Variants in TCF3 observed in about 807,000 individuals in gnomAD.
TCF3 encodes transcription factor E2-alpha.
A neutral mutation model predicts 72.3 loss-of-function variants in TCF3; 54 were observed. That is an observed-to-expected ratio of 0.75 (90% CI 0.60 to 0.94). The LOEUF (loss-of-function observed/expected upper bound fraction) is 0.94, where lower values mean the gene tolerates loss of function less well. Ranked by LOEUF, TCF3 falls within the 40% of genes least tolerant of loss-of-function variation. The pLI is 0.00. For synonymous variants in TCF3, 525 were observed against 412.6 expected (o/e 1.27, Z -3.30); for missense variants, 1,078 against 934.4 (o/e 1.15, Z -2.00).
In TCF3 at chr19:1,610,418, T is replaced by G; in HGVS notation, c.*1289A>C. 4.4e-6 allele frequency: 1 copy of G among 225,388 alleles called. No individual in the cohort carries two copies. The highest frequency in any genetic ancestry group is 8.8e-6 in the Non-Finnish European group (1 of 113,294). 14.0% of individuals were successfully genotyped at this position (225,388 alleles called of 1,614,324 possible). On this transcript the variant is annotated 3_prime_UTR_variant, in exon 19 of 19. Coordinates refer to ENST00000262965, the MANE Select transcript of TCF3 (RefSeq NM_003200.5). ...ATGGCCCTCTGGTGTAATGGGGACA[T>G]GGTGGGGTGGGGTGGGGGGTGTCCT...
intron 3 of TCF3, among the ~76,000 whole-genome samples, chr19:1,642,270 G>A (rs1246769584): frequency 8.7e-5 from 13 of 149,224 alleles, no homozygotes; most frequent in East Asian, 4.0e-4. Flanking sequence ...ACACACGCAC[G>A]CACACGCACA....
intron 13 of TCF3, 69 bp from the exon 14 acceptor site, chr19:1,619,922 G>A (rs2061985974): frequency 4.4e-6 from 6 of 1,354,832 alleles, no homozygotes; most frequent in South Asian, 3.9e-5. Flanking sequence ...TGCCCATGGG[G>A]AGGGATTCAT....
chr19:1,611,031 G>T lies in TCF3; in HGVS notation c.*676C>A, dbSNP rs1186503384. On this transcript the variant is annotated 3_prime_UTR_variant, in exon 19 of 19. Transcript: ENST00000262965. ...TGCAATGCTCAGTCTAGGAACAGCA[G>T]CAGAAATAGCGAGAGACACGGGACT... is the stretch of plus-strand genomic sequence containing the variant. 4 of 226,680 alleles carry T rather than the reference G, an allele frequency of 1.8e-5. No individual in the cohort carries two copies. In the East Asian group the frequency reaches 2.5e-4, roughly 14 times the overall value. 14.0% of individuals were successfully genotyped at this position (226,680 alleles called of 1,614,324 possible).
chr19:1,623,056 T>C (rs150700174), intron 8 of TCF3, among the ~76,000 whole-genome samples: 6 of 152,124 alleles, frequency 3.9e-5, no homozygotes, highest in East Asian at 3.9e-4. Flanking sequence ...AGTGATACTG[T>C]TGGGAGCAGA....
At chr19:1,640,709 CAGG>C (rs1282976059) in intron 3 of TCF3, among the ~76,000 whole-genome samples, 1 of 151,682 alleles carries the variant, frequency 6.6e-6, no homozygotes, top group Admixed American at 6.6e-5. Context: ...GGAGGCTAGG[CAGG>C]AGAATGGCGT....
At chr19:1,636,133 T>C (rs1199649836) in intron 3 of TCF3, among the ~76,000 whole-genome samples, 5 of 152,188 alleles carry the variant, frequency 3.3e-5, no homozygotes, top group Non-Finnish European at 7.3e-5. Context: ...GGGGGTGGCC[T>C]TTCCTTGGGT....
intron 3 of TCF3, among the ~76,000 whole-genome samples, chr19:1,643,268 T>C (rs1177435923): frequency 5.3e-5 from 8 of 152,236 alleles, no homozygotes; most frequent in African/African-American, 1.9e-4. Flanking sequence ...TCACCCAGGC[T>C]GCAGGGCAGT....
intron 3 of TCF3, among the ~76,000 whole-genome samples, chr19:1,637,510 C>A (rs539540438): frequency 6.6e-6 from 1 of 152,324 alleles, no homozygotes; most frequent in East Asian, 1.9e-4. Flanking sequence ...TCAGTGACCA[C>A]AGAGATAACC....
In TCF3 at chr19:1,624,021, G is replaced by A. The variant is rs1212982964; in HGVS notation, c.500-21C>T. Reference sequence around the variant, plus strand: ...CGTGTCTGTTAGAAGCAAAAGGGGTGAGAACCGGCCACCGGCCATGAGAAC... The same window carrying A: ...CGTGTCTGTTAGAAGCAAAAGGGGTAAGAACCGGCCACCGGCCATGAGAAC... On this transcript the variant is annotated intron_variant, in intron 7 of 18. Coordinates refer to ENST00000262965, the MANE Select transcript of TCF3 (RefSeq NM_003200.5). 6.2e-6 allele frequency: 10 copies of A among 1,612,720 alleles called. No individual in the cohort carries two copies. The Admixed American group carries it at 1.3e-4, about 22-fold the overall frequency.
intron 3 of TCF3, among the ~76,000 whole-genome samples, chr19:1,634,981 A>G (rs1278544176): frequency 6.6e-6 from 1 of 152,192 alleles, no homozygotes; most frequent in African/African-American, 2.4e-5. Context: ...TGATACAGAA[A>G]AAGACTGTCC....
chr19:1,651,383 C>T (rs1322683990), intron 1 of TCF3: 2 of 226,920 alleles, frequency 8.8e-6, no homozygotes, highest in East Asian at 6.3e-5. Flanking sequence ...GGGTGTGAAG[C>T]GGGCGCCCCA....
intron 1 of TCF3, chr19:1,650,852 A>C (rs987282868): frequency 3.0e-5 from 7 of 231,206 alleles, no homozygotes; most frequent in African/African-American, 1.5e-4. Context: ...ACAAGCTTCA[A>C]GACTTAAAGT....
chr19:1,614,690 G>T lies in TCF3; in HGVS notation c.1822+595C>A, dbSNP rs990075326. ...TAAGGAAGCAGCCGCCAGCGCCAGC[G>T]GGGGGAAGGAGTCAGCTCACATCTG... On this transcript the variant is annotated intron_variant, in intron 18 of 18. Coordinates refer to ENST00000262965, the MANE Select transcript of TCF3 (RefSeq NM_003200.5). This position sits in a 1 kb window ranked among gnomAD's most constrained non-coding sequence, Gnocchi z 5.6. Among the ~76,000 whole-genome samples the T allele has an allele frequency of 2.0e-5, 3 of 152,124 alleles. No individual in the cohort carries two copies. The highest frequency in any genetic ancestry group is 3.9e-4 in the East Asian group (2 of 5,186).
chr19:1,619,985 G>A, intron 13 of TCF3, 132 bp from the exon 14 acceptor site: 1 of 794,382 alleles, frequency 1.3e-6, no homozygotes, highest in Non-Finnish European at 2.1e-6. Context: ...CCATTCCGGG[G>A]CACCCCACAC....
At chr19:1,626,658 T>G (rs1299189641) in intron 6 of TCF3, among the ~76,000 whole-genome samples, 1 of 152,174 alleles carries the variant, frequency 6.6e-6, no homozygotes, top group East Asian at 1.9e-4. Flanking sequence ...CCCGGGCACT[T>G]GCGTATTCCT....
rs1382921991 is a variant in TCF3 at position 1,610,506 on chromosome 19, G to A, written c.*1201C>T. ...CAGAGCATGAGCCTGGGTCCCTGGG[G>A]CAAAGGAGTGAAGGACAGGGTGTCC... On this transcript the variant is annotated 3_prime_UTR_variant, in exon 19 of 19. Coordinates refer to ENST00000262965, the MANE Select transcript of TCF3 (RefSeq NM_003200.5). 2 of 231,442 alleles carry A rather than the reference G, an allele frequency of 8.6e-6. No homozygotes were observed. Among genetic ancestry groups the A allele is most frequent in the Non-Finnish European group, 8.5e-6 (1 of 116,984 alleles). The allele number at this position is 231,442 out of a possible 1,614,324, so 14.3% of individuals were successfully genotyped here.
chr19:1,624,374 G>A (rs936370277), intron 7 of TCF3, among the ~76,000 whole-genome samples: 1 of 152,150 alleles, frequency 6.6e-6, no homozygotes, highest in Non-Finnish European at 1.5e-5. Flanking sequence ...CCAGCCTGGG[G>A]ACAGAGAAAG....
In TCF3 at chr19:1,613,997, C is replaced by T. The variant is rs147019270; in HGVS notation, c.1822+1288G>A. On this transcript the variant is annotated intron_variant, in intron 18 of 18. Transcript: ENST00000262965. ...TTGCTGCTGCCGCAGGGGTGCGGGT[C>T]CCGGCCCAGGCCTCTGTGCTGCATG... 9.0e-3 allele frequency among the ~76,000 whole-genome samples: 1,372 copies of T among 152,394 alleles called. 9 individuals carry two copies. Among genetic ancestry groups the T allele is most frequent in the Non-Finnish European group, 0.014 (940 of 68,042 alleles).
intron 4 of TCF3, 26 bp downstream of exon 4, chr19:1,632,306 G>A: frequency 6.4e-7 from 1 of 1,568,486 alleles, no homozygotes; most frequent in South Asian, 1.2e-5. Context: ...GAAACTCAGG[G>A]TCTCAGGCCT....
Sources: allele counts gnomAD v4.1 joint callset (sites outside exome capture counted in the v4.1 genomes callset), GRCh38; gene constraint gnomAD v4.1.1; non-coding constraint Gnocchi (gnomAD v3.1); transcripts MANE v1.5; gene names NCBI Gene and HGNC (gene_info 2026-07-23, HGNC 2026-07-21).